Variants in SHB observed in about 807,000 individuals in gnomAD.
The protein encoded by SHB is SH2 domain-containing adapter protein B.
A neutral mutation model predicts 52.3 loss-of-function variants in SHB; 20 were observed. That is an observed-to-expected ratio of 0.38 (90% CI 0.27 to 0.56). The LOEUF is 0.56. Among genes scored for constraint, SHB ranks in the 20% least tolerant of loss-of-function variants. SHB has a pLI of 0.71. For synonymous variants in SHB, 397 were observed against 316.5 expected, an observed-to-expected ratio of 1.25 and a Z score of -2.70; for missense variants, 825 against 723.3, an observed-to-expected ratio of 1.14 and a Z score of -1.61.
chr9:37,925,419 C>T (rs1258086274), intron 5 of SHB, among the ~76,000 whole-genome samples: 3 of 152,240 alleles, frequency 2.0e-5, no homozygotes, highest in Non-Finnish European at 2.9e-5. Flanking sequence ...AGTACACAGG[C>T]ACACGCTTTT....
intron 3 of SHB, 112 bp from the exon 4 acceptor site, chr9:37,956,166 GAGGA>G (rs1832630517): frequency 1.0e-6 from 1 of 982,304 alleles, no homozygotes; most frequent in Admixed American, 2.4e-5. Context: ...CAGCTTGCAG[GAGGA>G]AGGGTTTCAA....
At chr9:37,970,045 GC>G (rs1280751499) in intron 3 of SHB, among the ~76,000 whole-genome samples, 4 of 152,216 alleles carry the variant, frequency 2.6e-5, no homozygotes, top group Non-Finnish European at 5.9e-5. Flanking sequence ...TGGGAAGGGG[GC>G]TGACAGCTTG....
chr9:38,068,615 A>G lies in SHB; in HGVS notation c.31T>C (p.Leu11=), dbSNP rs1278509518. 6.7e-7 allele frequency: 1 copy of G among 1,489,622 alleles called. No homozygotes were observed. The highest frequency in any genetic ancestry group is 2.8e-5 in the East Asian group (1 of 36,224). The allele number at this position is 1,489,622 out of a possible 1,614,324, so 92.3% of individuals were successfully genotyped here. A position where few individuals can be genotyped will look rare whatever the true frequency, so the allele number is the denominator to read the frequency against. The stretch of plus-strand genomic sequence containing the variant: ...GGGCTCTTGGTCTTGCTGTTGCCCA[A>G]GCTGAAGTACTTGTTTAGCCACTTG... The part of the protein sequence containing the change: MAKWLNKYFS[L]GNSKTKSPPQ... Residue 11 remains leucine, a synonymous_variant, in exon 1 of 6, where the codon TTG becomes CTG. Coordinates refer to ENST00000377707, the MANE Select transcript of SHB (RefSeq NM_003028.3).
At chr9:37,935,598 G>A (rs1832360171) in intron 5 of SHB, among the ~76,000 whole-genome samples, 2 of 152,074 alleles carry the variant, frequency 1.3e-5, no homozygotes, top group Admixed American at 1.3e-4. Flanking sequence ...GTACAAAATC[G>A]TGGTCCTGGA....
intron 1 of SHB, among the ~76,000 whole-genome samples, chr9:38,047,726 G>A (rs1364507615): frequency 2.0e-5 from 3 of 152,342 alleles, no homozygotes; most frequent in East Asian, 1.9e-4. Context: ...CAGGAATAGC[G>A]CCAGTAAATC....
intron 1 of SHB, among the ~76,000 whole-genome samples, chr9:38,053,971 T>TTA (rs1821782106): frequency 6.6e-6 from 1 of 152,194 alleles, no homozygotes; most frequent in Non-Finnish European, 1.5e-5. Context: ...AGACACACAG[T>TTA]TAAGGATCAA....
In SHB at chr9:37,948,658, C is replaced by T; in HGVS notation, c.1323G>A (p.Lys441=). The T allele has an allele frequency of 2.5e-6, 4 of 1,613,824 alleles. No individual in the cohort carries two copies. The highest frequency in any genetic ancestry group is 3.4e-6 in the Non-Finnish European group (4 of 1,179,984). The change falls in exon 5 of 6, where the codon AAG becomes AAA. Residue 441 remains lysine, a synonymous_variant. Transcript: ENST00000377707. ...ACCTCAGGGAGAGGGAGTAGTCATG[C>T]TTGCTGGTCTGGCTGTTCCGGACAA... is the stretch of plus-strand genomic sequence containing the variant. The part of the protein sequence containing the change: ...SYLVRNSQTS[K]HDYSLSLRSN...
At position 38,009,374 on chromosome 9, in the gene SHB, C is replaced by T. The variant is rs112278516; in HGVS notation, c.838+6637G>A. On this transcript the variant is annotated intron_variant, in intron 2 of 5. Coordinates refer to ENST00000377707, the MANE Select transcript of SHB (RefSeq NM_003028.3). ...GGCAGCTGGAGAAGCCCAGTGTGAC[C>T]GCAGAGGCGGGTAACCAAAGGATTT... 2.6e-4 allele frequency among the ~76,000 whole-genome samples: 40 copies of T among 152,356 alleles called. 2 individuals are homozygous for T. The highest frequency in any genetic ancestry group is 9.6e-4 in the African/African-American group (40 of 41,584).
intron 5 of SHB, among the ~76,000 whole-genome samples, chr9:37,928,977 C>T (rs777280605): frequency 8.5e-5 from 13 of 152,234 alleles, no homozygotes; most frequent in African/African-American, 1.7e-4. Context: ...GGACTTGGAG[C>T]GCACAATGGC....
chr9:37,919,597 G>T lies in SHB; in HGVS notation c.*224C>A. The T allele has an allele frequency of 2.3e-6, 1 of 427,810 alleles. No homozygotes were observed. The highest frequency in any genetic ancestry group is 3.6e-5 in the East Asian group (1 of 27,728). The allele number at this position is 427,810 out of a possible 1,614,324, so 26.5% of individuals were successfully genotyped here. The stretch of plus-strand genomic sequence containing the variant: ...TTCACAGAAACTCAAGGAGAGGGTG[G>T]GGGTGGGGGCTGGGGTGGTGTGTTG... On this transcript the variant is annotated 3_prime_UTR_variant, in exon 6 of 6. Coordinates refer to ENST00000377707, the MANE Select transcript of SHB (RefSeq NM_003028.3).
intron 2 of SHB, among the ~76,000 whole-genome samples, chr9:38,004,941 C>T (rs1821061156): frequency 6.6e-6 from 1 of 152,246 alleles, no homozygotes; most frequent in Admixed American, 6.5e-5. Context: ...GGGATGTTTA[C>T]TCACCATGTG....
rs1464699683 is a variant in SHB, at chr9:38,068,890, GT to G, written c.-246del. 1 of 153,228 alleles carries G rather than the reference GT, an allele frequency of 6.5e-6. No homozygotes were observed. Among genetic ancestry groups the G allele is most frequent in the African/African-American group, 2.4e-5 (1 of 41,360 alleles). 9.5% of individuals were successfully genotyped at this position (153,228 alleles called of 1,614,324 possible). On this transcript the variant is annotated 5_prime_UTR_variant, in exon 1 of 6. It removes the in-frame stop codon of an upstream open reading frame in the 5' UTR. Coordinates refer to ENST00000377707, the MANE Select transcript of SHB (RefSeq NM_003028.3). The stretch of plus-strand genomic sequence containing the variant: ...CCAAGCTAGGAATCTCGCGCCCCTC[GT>G]GGGCGCGTCTCATGGGGTCCCGGCC...
chr9:37,985,172 T>C (rs1334660638), intron 2 of SHB, among the ~76,000 whole-genome samples: 1 of 152,250 alleles, frequency 6.6e-6, no homozygotes, highest in Non-Finnish European at 1.5e-5. Flanking sequence ...GAGCAGGGCC[T>C]ATGGCTGCCT....
intron 5 of SHB, among the ~76,000 whole-genome samples, chr9:37,933,665 C>T (rs995088564): frequency 2.0e-5 from 3 of 152,154 alleles, no homozygotes; most frequent in African/African-American, 7.2e-5. Context: ...CATTCTAGTT[C>T]CATCTAATGA....
chr9:37,972,119 G>A (rs1188137756), intron 3 of SHB, among the ~76,000 whole-genome samples: 1 of 152,194 alleles, frequency 6.6e-6, no homozygotes, highest in Non-Finnish European at 1.5e-5. Flanking sequence ...AGGCCCACAG[G>A]GGGTCAGTCC....
chr9:38,002,624 C>G (rs191863600), intron 2 of SHB, among the ~76,000 whole-genome samples: 340 of 152,328 alleles, frequency 2.2e-3, no homozygotes, highest in African/African-American at 7.6e-3. Flanking sequence ...CTAGCCCCAC[C>G]ACCATCTGTC....
At chr9:37,982,979 C>CCCT (rs532871229) in intron 2 of SHB, among the ~76,000 whole-genome samples, 3 of 151,400 alleles carry the variant, frequency 2.0e-5, no homozygotes, top group East Asian at 1.9e-4. Context: ...TGGTGCCCCC[C>CCCT]CCTCCATCTT....
intron 5 of SHB, among the ~76,000 whole-genome samples, chr9:37,943,203 T>G (rs1032512839): frequency 6.6e-6 from 1 of 152,208 alleles, no homozygotes; most frequent in Non-Finnish European, 1.5e-5. Context: ...CCCCTGTGCA[T>G]GGGTTTAAGA....
chr9:38,048,825 C>T (rs1232804193), intron 1 of SHB, among the ~76,000 whole-genome samples: 1 of 152,096 alleles, frequency 6.6e-6, no homozygotes, highest in Non-Finnish European at 1.5e-5. Context: ...TTGGTTTTGC[C>T]AAATGTTTTA....
Sources: allele counts gnomAD v4.1 joint callset (sites outside exome capture counted in the v4.1 genomes callset), GRCh38; gene constraint gnomAD v4.1.1; transcripts MANE v1.5; gene names NCBI Gene and HGNC (gene_info 2026-07-23, HGNC 2026-07-21).